NALF1: variants seen among roughly 807,000 people sequenced by gnomAD.
NALF1 encodes the protein NALCN channel auxiliary factor 1.
NALF1 carries 3 observed loss-of-function variants against 48.4 expected under a neutral mutation model. The ratio of observed to expected loss-of-function variants is 0.06; its 90% CI spans 0.03 to 0.16. NALF1 has a LOEUF of 0.16. Ranked by LOEUF, NALF1 falls within the 10% of genes least tolerant of loss-of-function variation. The pLI, the probability that NALF1 is intolerant of heterozygous loss-of-function variation, is 1.00. For missense variants in NALF1, 526 were observed against 571.5 expected, an observed-to-expected ratio of 0.92 and a Z score of 0.81; for synonymous variants, 262 against 245.7, an observed-to-expected ratio of 1.07 and a Z score of -0.62.
At chr13:107,474,089 A>G (rs917111429) in intron 1 of NALF1, among the ~76,000 whole-genome samples, 3 of 152,144 alleles carry the variant, frequency 2.0e-5, no homozygotes, top group African/African-American at 4.8e-5. Flanking sequence ...GGCACACTCT[A>G]TTGACTACTT....
rs191423182 is a variant in NALF1, at chr13:107,699,176, A to T, written c.915+166506T>A. 2.7e-3 allele frequency among the ~76,000 whole-genome samples: 411 copies of T among 152,262 alleles called. 1 individual carries two copies. The highest frequency in any genetic ancestry group is 9.2e-3 in the African/African-American group (384 of 41,554). On this transcript the variant is annotated intron_variant, in intron 1 of 2. Coordinates refer to ENST00000375915, the MANE Select transcript of NALF1 (RefSeq NM_001080396.3). Reference sequence around the variant, plus strand: ...TTAATATTTCATGGAAGTAATGTTAATGTGAACTTTTTGGTTTGGAGTAAC... The same window carrying T: ...TTAATATTTCATGGAAGTAATGTTATTGTGAACTTTTTGGTTTGGAGTAAC...
chr13:107,613,000 G>GAA lies in NALF1; in HGVS notation c.915+252681_915+252682insTT, dbSNP rs34831534. ...TTTTTTTGGGTTTTTTTCCCACAAT[G>GAA]AGAAAAAAAAAAAAGAAAAGAAAAG... On this transcript the variant is annotated intron_variant, in intron 1 of 2. Coordinates refer to ENST00000375915, the MANE Select transcript of NALF1 (RefSeq NM_001080396.3). Among the ~76,000 whole-genome samples, 334 of 144,802 alleles carry GAA rather than the reference G, an allele frequency of 2.3e-3. 1 individual carries two copies. The highest frequency in any genetic ancestry group is 7.0e-3 in the African/African-American group (276 of 39,150). The allele number at this position is 144,802 out of a possible 152,430, so 95.0% of individuals were successfully genotyped here.
At chr13:107,391,704 C>G (rs1239358357) in intron 1 of NALF1, among the ~76,000 whole-genome samples, 7 of 152,164 alleles carry the variant, frequency 4.6e-5, no homozygotes, top group Admixed American at 1.3e-4. Flanking sequence ...CAGACAAATT[C>G]AACCGTCAAC....
At chr13:107,556,245 T>C (rs1877470965) in intron 1 of NALF1, among the ~76,000 whole-genome samples, 1 of 150,048 alleles carries the variant, frequency 6.7e-6, no homozygotes, top group African/African-American at 2.5e-5. Flanking sequence ...TCTTCAGAGA[T>C]GTGCCTCTCC....
chr13:107,435,934 T>A (rs1429495676), intron 1 of NALF1, among the ~76,000 whole-genome samples: 3 of 152,126 alleles, frequency 2.0e-5, no homozygotes, highest in Non-Finnish European at 4.4e-5. Context: ...TGGCAGCAGT[T>A]CCACAGAGCT....
chr13:107,353,062 C>T (rs1882904080), intron 1 of NALF1, among the ~76,000 whole-genome samples: 3 of 152,066 alleles, frequency 2.0e-5, no homozygotes, highest in East Asian at 1.9e-4. Flanking sequence ...TCTCCCCTCA[C>T]CTTCCTTCTG....
chr13:107,441,911 C>T (rs1884566193), intron 1 of NALF1, among the ~76,000 whole-genome samples: 1 of 152,156 alleles, frequency 6.6e-6, no homozygotes, highest in Non-Finnish European at 1.5e-5. Flanking sequence ...AATAAAACCA[C>T]ATGAGGAGGA....
At chr13:107,865,549 C>T (rs946268758) in intron 1 of NALF1, 133 bp downstream of exon 1, 1 of 1,222,348 alleles carries the variant, frequency 8.2e-7, no homozygotes, top group Non-Finnish European at 1.1e-6. Context: ...GCAAGCCAAG[C>T]TCTTAATAAC....
chr13:107,229,235 A>G (rs1880169959), intron 1 of NALF1, among the ~76,000 whole-genome samples: 1 of 152,114 alleles, frequency 6.6e-6, no homozygotes, highest in African/African-American at 2.4e-5. Flanking sequence ...CATTTAAAAA[A>G]TTTTAATGAG....
intron 1 of NALF1, among the ~76,000 whole-genome samples, chr13:107,226,590 G>A (rs1426512231): frequency 6.6e-6 from 1 of 152,098 alleles, no homozygotes; most frequent in Non-Finnish European, 1.5e-5. Flanking sequence ...AACATACTTA[G>A]CATCGGGTTT....
At chr13:107,432,718 C>T (rs913750896) in intron 1 of NALF1, among the ~76,000 whole-genome samples, 3 of 152,214 alleles carry the variant, frequency 2.0e-5, no homozygotes, top group Admixed American at 2.0e-4. Flanking sequence ...CTTCAATTTC[C>T]CTGGGGGTCT....
intron 1 of NALF1, among the ~76,000 whole-genome samples, chr13:107,314,251 G>T (rs1354477737): frequency 2.0e-5 from 3 of 151,970 alleles, no homozygotes; most frequent in African/African-American, 7.3e-5. Flanking sequence ...TTCTAATTAG[G>T]CTTTAGGCCC....
At chr13:107,278,909 C>A (rs2138870631) in intron 1 of NALF1, among the ~76,000 whole-genome samples, 1 of 152,196 alleles carries the variant, frequency 6.6e-6, no homozygotes, top group South Asian at 2.1e-4. Context: ...ATTATCCTTT[C>A]CATATTGCAG....
intron 1 of NALF1, among the ~76,000 whole-genome samples, chr13:107,310,941 G>A (rs1482227348): frequency 2.0e-5 from 3 of 152,096 alleles, no homozygotes; most frequent in Non-Finnish European, 4.4e-5. Flanking sequence ...GATTACAGGC[G>A]GGAGCCACAG....
chr13:107,379,968 C>T (rs1210707820), intron 1 of NALF1, among the ~76,000 whole-genome samples: 2 of 152,144 alleles, frequency 1.3e-5, no homozygotes, highest in African/African-American at 4.8e-5. Flanking sequence ...ATGCTCTCTT[C>T]CAGAGGCACA....
intron 1 of NALF1, among the ~76,000 whole-genome samples, chr13:107,499,260 T>C (rs16970328): frequency 0.3 from 45,909 of 152,070 alleles, 7,145 homozygotes; most frequent in East Asian, 0.41. Context: ...TTCTCAAAGA[T>C]TTTGAAAATT....
chr13:107,341,247 A>G (rs1192181094), intron 1 of NALF1, among the ~76,000 whole-genome samples: 2 of 152,120 alleles, frequency 1.3e-5, no homozygotes, highest in African/African-American at 4.8e-5. Context: ...CAGTGAGCAG[A>G]TTGTCTAGGT....
intron 1 of NALF1, among the ~76,000 whole-genome samples, chr13:107,860,428 A>T (rs79605190): frequency 0.037 from 5,637 of 152,292 alleles, 238 homozygotes; most frequent in East Asian, 0.21. Context: ...GGTGGTTCCC[A>T]ACCTTGGCTG....
At chr13:107,736,113 T>A (rs1288153302) in intron 1 of NALF1, among the ~76,000 whole-genome samples, 1 of 151,988 alleles carries the variant, frequency 6.6e-6, no homozygotes, top group Non-Finnish European at 1.5e-5. Flanking sequence ...CCCAATAAAA[T>A]GTAACAAAAC....
Sources: allele counts gnomAD v4.1 joint callset (sites outside exome capture counted in the v4.1 genomes callset), GRCh38; gene constraint gnomAD v4.1.1; transcripts MANE v1.5; gene names NCBI Gene and HGNC (gene_info 2026-07-23, HGNC 2026-07-21).